Variants in SLC7A1 observed in about 807,000 individuals in gnomAD.
SLC7A1 encodes high affinity cationic amino acid transporter 1.
Under a neutral mutation model 53.9 loss-of-function variants are expected in SLC7A1, and 10 were observed. The ratio of observed to expected loss-of-function variants is 0.19; its 90% CI spans 0.11 to 0.31. SLC7A1 has a LOEUF of 0.31. Ranked by LOEUF, SLC7A1 falls within the 10% of genes least tolerant of loss-of-function variation. SLC7A1 has a pLI of 1.00. For missense variants in SLC7A1, 525 were observed against 827.2 expected, an observed-to-expected ratio of 0.63 and a Z score of 4.48; for synonymous variants, 342 against 338.7, an observed-to-expected ratio of 1.01 and a Z score of -0.11.
chr13:29,594,309 C>T (rs570788660), intron 1 of SLC7A1, among the ~76,000 whole-genome samples: 1 of 152,376 alleles, frequency 6.6e-6, no homozygotes, highest in South Asian at 2.1e-4. Flanking sequence ...GAAATCTCAA[C>T]CATCTGGTAA....
At chr13:29,532,696 A>G in intron 4 of SLC7A1, 128 bp downstream of exon 4, 1 of 869,184 alleles carries the variant, frequency 1.2e-6, no homozygotes, top group South Asian at 2.1e-5. Flanking sequence ...CATGCAGTAC[A>G]AAAACAAAAC....
chr13:29,532,119 G>T (rs1389367462), intron 4 of SLC7A1, among the ~76,000 whole-genome samples: 1 of 152,206 alleles, frequency 6.6e-6, no homozygotes. Context: ...AATAAGGCAT[G>T]TCATTTTTAA....
At chr13:29,542,192 C>T (rs1869694210) in intron 2 of SLC7A1, among the ~76,000 whole-genome samples, 1 of 152,220 alleles carries the variant, frequency 6.6e-6, no homozygotes, top group Non-Finnish European at 1.5e-5. Flanking sequence ...CGGTGGCTCA[C>T]ACCTGTAATC....
chr13:29,573,799 A>T (rs2139171556), intron 1 of SLC7A1, among the ~76,000 whole-genome samples: 1 of 152,382 alleles, frequency 6.6e-6, no homozygotes, highest in South Asian at 2.1e-4. Flanking sequence ...TTAACTGGGC[A>T]TCCAGTATTT....
chr13:29,528,662 A>G (rs1162603646), intron 5 of SLC7A1, among the ~76,000 whole-genome samples: 3 of 152,192 alleles, frequency 2.0e-5, no homozygotes, highest in Non-Finnish European at 4.4e-5. Context: ...TTTTAACAAC[A>G]TAATAGAGCA....
chr13:29,536,179 T>C lies in SLC7A1; in HGVS notation c.10A>G (p.Lys4Glu). The change falls in exon 3 of 13, where the codon AAA becomes GAA. Residue 4 changes from lysine to glutamate, a missense_variant. Physicochemically the swap from Lys to Glu is moderately conservative, Grantham distance 56. Transcript: ENST00000380752. ...TGCTGCCCAATGTTGAGCAGGACTT[T>C]GCACCCCATGTTGCTGTTCAGAGCT... MGCKVLLNIGQQML... is the reference protein window; with the variant it reads MGCEVLLNIGQQML... 6.2e-7 allele frequency: 1 copy of C among 1,612,960 alleles called. No homozygotes were observed. Among genetic ancestry groups the C allele is most frequent in the Non-Finnish European group, 8.5e-7 (1 of 1,179,246 alleles).
In SLC7A1 at chr13:29,510,780, T is replaced by G. The variant is rs1883364094; in HGVS notation, c.*3700A>C. 6.6e-6 allele frequency: 1 copy of G among 152,252 alleles called. No individual in the cohort carries two copies. Among genetic ancestry groups the G allele is most frequent in the African/African-American group, 2.4e-5 (1 of 41,472 alleles). The allele number at this position is 152,252 out of a possible 1,614,324, so 9.4% of individuals were successfully genotyped here. A position where few individuals can be genotyped will look rare whatever the true frequency, so the allele number is the denominator to read the frequency against. The stretch of plus-strand genomic sequence containing the variant: ...TGCCAACAGAACTGTCAGCCTTTAT[T>G]AAGAAGGAAGGGTCTGTGTAAAAAT... On this transcript the variant is annotated 3_prime_UTR_variant, in exon 13 of 13. Transcript: ENST00000380752.
chr13:29,530,473 T>C lies in SLC7A1; in HGVS notation c.704+65A>G, dbSNP rs950136215. On this transcript the variant is annotated intron_variant, in intron 5 of 12. Coordinates refer to ENST00000380752, the MANE Select transcript of SLC7A1 (RefSeq NM_003045.5). The stretch of plus-strand genomic sequence containing the variant: ...AAGCACATGCCATCCTAGCCAGTTA[T>C]ATCCCCCATACAATCTATGTCATTA... 8.7e-6 allele frequency: 12 copies of C among 1,387,012 alleles called. No homozygotes were observed. In the African/African-American group the frequency reaches 1.6e-4, roughly 18 times the overall value. 85.9% of individuals were successfully genotyped at this position (1,387,012 alleles called of 1,614,324 possible).
intron 1 of SLC7A1, among the ~76,000 whole-genome samples, chr13:29,570,404 C>T (rs1281114982): frequency 6.6e-6 from 1 of 152,198 alleles, no homozygotes; most frequent in Non-Finnish European, 1.5e-5. Context: ...GAACAAGTTA[C>T]GCTATGTTGC....
intron 1 of SLC7A1, among the ~76,000 whole-genome samples, chr13:29,555,357 C>CAAAAAAAAAAAAAAAAAAAAAAA (rs538934310): frequency 1.1e-4 from 2 of 18,778 alleles, no homozygotes; most frequent in African/African-American, 1.4e-4. Flanking sequence ...GACTCCGTCT[C>CAAAAAAAAAAAAAAAAAAAAAAA]AAAAAAAAAA....
At chr13:29,585,692 C>A (rs1405272638) in intron 1 of SLC7A1, among the ~76,000 whole-genome samples, 1 of 152,082 alleles carries the variant, frequency 6.6e-6, no homozygotes, top group Non-Finnish European at 1.5e-5. Context: ...GCTAAGCTGA[C>A]AGTACAGAAG....
At chr13:29,577,963 G>T (rs1304522840) in intron 1 of SLC7A1, among the ~76,000 whole-genome samples, 2 of 152,160 alleles carry the variant, frequency 1.3e-5, no homozygotes, top group Non-Finnish European at 2.9e-5. Context: ...ACCAGCTGTG[G>T]AAAGTCCTGT....
intron 1 of SLC7A1, among the ~76,000 whole-genome samples, chr13:29,556,003 C>T (rs819388): frequency 0.1 from 15,671 of 152,128 alleles, 937 homozygotes; most frequent in African/African-American, 0.16. Context: ...GATTCCACAG[C>T]GGAACCCACG....
Position 29,513,288 on chromosome 13 carries a change from C to T in SLC7A1, c.*1192G>A, listed in dbSNP as rs1275495248. The T allele has an allele frequency of 6.5e-6, 1 of 152,704 alleles. No individual in the cohort carries two copies. 9.5% of individuals were successfully genotyped at this position (152,704 alleles called of 1,614,324 possible). ...GGACAGCAATATGCCTAGAAATCAC[C>T]TCCCCTGCGACCCACGCATCTCAGC... is the stretch of plus-strand genomic sequence containing the variant. On this transcript the variant is annotated 3_prime_UTR_variant, in exon 13 of 13. Transcript: ENST00000380752.
rs1172491018 is a variant in SLC7A1, at chr13:29,574,465, G to C, written c.-114-20605C>G. The stretch of plus-strand genomic sequence containing the variant: ...ATGGCCCATAAGGGCAAGAACCTGG[G>C]AAAGTCAGTGCCAGCACCTGTAGGA... On this transcript the variant is annotated intron_variant, in intron 1 of 12. Coordinates refer to ENST00000380752, the MANE Select transcript of SLC7A1 (RefSeq NM_003045.5). Among the ~76,000 whole-genome samples, 3 of 152,226 alleles carry C rather than the reference G, an allele frequency of 2.0e-5. No individual in the cohort carries two copies. The East Asian group carries it at 5.8e-4, about 29-fold the overall frequency.
chr13:29,529,274 T>C (rs2139091292), intron 5 of SLC7A1, among the ~76,000 whole-genome samples: 1 of 152,324 alleles, frequency 6.6e-6, no homozygotes, highest in Non-Finnish European at 1.5e-5. Context: ...TCCATTCAAG[T>C]AGTCACACAT....
chr13:29,567,733 G>A (rs78101312), intron 1 of SLC7A1, among the ~76,000 whole-genome samples: 3,879 of 152,254 alleles, frequency 0.025, 168 homozygotes, highest in African/African-American at 0.088. Context: ...AATAAGTCTC[G>A]GGTGTGGCCA....
Position 29,514,431 on chromosome 13 carries a change from G to T in SLC7A1, c.*49C>A. The T allele has an allele frequency of 7.0e-7, 1 of 1,429,062 alleles. No homozygotes were observed. Among genetic ancestry groups the T allele is most frequent in the East Asian group, 2.3e-5 (1 of 43,622 alleles). The allele number at this position is 1,429,062 out of a possible 1,614,324, so 88.5% of individuals were successfully genotyped here. The stretch of plus-strand genomic sequence containing the variant: ...AGGGTGGGGTGCCTCCCGGTCCTCT[G>T]GGGGCGTCCCTCGGGGCTGCTGCCA... On this transcript the variant is annotated 3_prime_UTR_variant, in exon 13 of 13. Coordinates refer to ENST00000380752, the MANE Select transcript of SLC7A1 (RefSeq NM_003045.5).
At chr13:29,531,045 C>T (rs570647912) in intron 4 of SLC7A1, among the ~76,000 whole-genome samples, 7 of 152,226 alleles carry the variant, frequency 4.6e-5, no homozygotes, top group South Asian at 2.1e-4. Context: ...AGCCTGGACC[C>T]GCACACCAAG....
Sources: allele counts gnomAD v4.1 joint callset (sites outside exome capture counted in the v4.1 genomes callset), GRCh38; gene constraint gnomAD v4.1.1; transcripts MANE v1.5; gene names NCBI Gene and HGNC (gene_info 2026-07-23, HGNC 2026-07-21).